Variants in GPC5 observed in about 807,000 individuals in gnomAD.
GPC5 encodes the protein glypican-5.
In GPC5, 47 loss-of-function variants were observed where a neutral mutation model predicts 53.9. That is an observed-to-expected ratio of 0.87 (90% confidence interval 0.69 to 1.11). The LOEUF (loss-of-function observed/expected upper bound fraction) is 1.11. Ranked by LOEUF, GPC5 falls within the 50% of genes most tolerant of loss-of-function variation. The pLI is 0.00. For synonymous variants in GPC5, 286 were observed against 263.3 expected (o/e 1.09, Z -0.84); for missense variants, 748 against 713.1 (o/e 1.05, Z -0.56).
At chr13:92,651,459 T>A (rs1384267149) in intron 7 of GPC5, among the ~76,000 whole-genome samples, 1 of 152,076 alleles carries the variant, frequency 6.6e-6, no homozygotes, top group East Asian at 1.9e-4. Flanking sequence ...TGAGGGGCAT[T>A]CTACAAAATA....
chr13:91,505,356 A>G (rs1285537749), intron 2 of GPC5, among the ~76,000 whole-genome samples: 2 of 152,208 alleles, frequency 1.3e-5, no homozygotes, highest in African/African-American at 4.8e-5. Flanking sequence ...TAATTGGATG[A>G]TTACTTGTTC....
At chr13:91,868,672 T>A (rs1303103634) in intron 5 of GPC5, among the ~76,000 whole-genome samples, 1 of 152,120 alleles carries the variant, frequency 6.6e-6, no homozygotes, top group Non-Finnish European at 1.5e-5. Flanking sequence ...GCCACTGCAC[T>A]CCAGCCTGGG....
At chr13:92,212,603 G>A (rs529942603) in intron 7 of GPC5, among the ~76,000 whole-genome samples, 1 of 152,206 alleles carries the variant, frequency 6.6e-6, no homozygotes, top group Admixed American at 6.5e-5. Context: ...GGAGATGTGG[G>A]GGACCCTAAG....
chr13:92,198,995 G>A (rs776602550), intron 7 of GPC5, among the ~76,000 whole-genome samples: 1 of 152,118 alleles, frequency 6.6e-6, no homozygotes, highest in African/African-American at 2.4e-5. Context: ...AAAGTGCTTA[G>A]CATTCAGAGG....
intron 7 of GPC5, among the ~76,000 whole-genome samples, chr13:92,378,401 A>G (rs1266579995): frequency 3.3e-5 from 5 of 152,340 alleles, no homozygotes; most frequent in African/African-American, 1.2e-4. Flanking sequence ...CTCTTCACAT[A>G]TCCTTAGCTT....
chr13:92,742,108 G>C (rs561556896), intron 7 of GPC5, among the ~76,000 whole-genome samples: 88 of 151,614 alleles, frequency 5.8e-4, no homozygotes, highest in African/African-American at 1.9e-3. Context: ...CCAGTAATGG[G>C]ATGGCTGGGT....
intron 7 of GPC5, among the ~76,000 whole-genome samples, chr13:92,313,004 A>T (rs1181725773): frequency 6.6e-6 from 1 of 152,142 alleles, no homozygotes; most frequent in African/African-American, 2.4e-5. Context: ...TTAATGTGTA[A>T]TTCACATATT....
chr13:91,461,006 G>T (rs1881895721), intron 2 of GPC5, among the ~76,000 whole-genome samples: 1 of 152,114 alleles, frequency 6.6e-6, no homozygotes, highest in South Asian at 2.1e-4. Flanking sequence ...ATGTGGTATA[G>T]ATGCTATAGC....
At chr13:91,596,166 G>A (rs931325941) in intron 2 of GPC5, among the ~76,000 whole-genome samples, 4 of 151,988 alleles carry the variant, frequency 2.6e-5, no homozygotes, top group African/African-American at 9.7e-5. Context: ...AGCCATTCTG[G>A]TTTAATGTAA....
intron 7 of GPC5, among the ~76,000 whole-genome samples, chr13:92,365,081 G>A (rs1818619412): frequency 6.6e-6 from 1 of 151,650 alleles, no homozygotes; most frequent in Non-Finnish European, 1.5e-5. Context: ...TAATGATGGG[G>A]CTACCTTCTG....
At chr13:91,777,583 G>A (rs1202615064) in intron 5 of GPC5, among the ~76,000 whole-genome samples, 1 of 152,106 alleles carries the variant, frequency 6.6e-6, no homozygotes, top group East Asian at 1.9e-4. Context: ...CCGTGAAGGC[G>A]CTGCAAAGTT....
At chr13:91,780,237 T>C (rs1017570245) in intron 5 of GPC5, among the ~76,000 whole-genome samples, 2 of 152,218 alleles carry the variant, frequency 1.3e-5, no homozygotes, top group Non-Finnish European at 1.5e-5. Flanking sequence ...TAATTCCTTA[T>C]ATATATCATT....
chr13:92,352,654 G>T (rs538864616), intron 7 of GPC5, among the ~76,000 whole-genome samples: 2 of 152,252 alleles, frequency 1.3e-5, no homozygotes, highest in South Asian at 4.1e-4. Context: ...GCCCTCTGAT[G>T]CCATTTTCCA....
At chr13:92,606,579 A>G (rs1230010932) in intron 7 of GPC5, among the ~76,000 whole-genome samples, 1 of 152,170 alleles carries the variant, frequency 6.6e-6, no homozygotes, top group African/African-American at 2.4e-5. Context: ...AAACTTGTAG[A>G]ATGAGGATGA....
rs189942479 is a variant in GPC5, at chr13:92,025,632, C to A, written c.1401+117575C>A. Among the ~76,000 whole-genome samples the A allele has an allele frequency of 6.0e-4, 92 of 152,270 alleles. 1 individual carries two copies. Among genetic ancestry groups the A allele is most frequent in the African/African-American group, 2.1e-3 (86 of 41,572 alleles). The stretch of plus-strand genomic sequence containing the variant: ...ATTGGCCCAACTGTGTCAGCACTTG[C>A]CAGTGCGTGTACAGAAAGAGGGATT... On this transcript the variant is annotated intron_variant, in intron 6 of 7. Transcript: ENST00000377067.
At chr13:92,282,951 T>G (rs1342451893) in intron 7 of GPC5, among the ~76,000 whole-genome samples, 2 of 152,152 alleles carry the variant, frequency 1.3e-5, no homozygotes, top group Non-Finnish European at 2.9e-5. Context: ...GACTGGCTAA[T>G]TGGATAAAAG....
chr13:92,366,371 T>C (rs2043607613), intron 7 of GPC5, among the ~76,000 whole-genome samples: 2 of 151,766 alleles, frequency 1.3e-5, no homozygotes, highest in African/African-American at 4.9e-5. Flanking sequence ...GATTTTCCAA[T>C]TTAAAAATAT....
intron 7 of GPC5, among the ~76,000 whole-genome samples, chr13:92,290,763 T>G (rs1195970794): frequency 2.0e-5 from 3 of 152,216 alleles, no homozygotes; most frequent in Admixed American, 1.3e-4. Context: ...CGGCGCCTCC[T>G]CTGTCTGGGC....
chr13:91,489,584 A>G (rs1484544989), intron 2 of GPC5, among the ~76,000 whole-genome samples: 1 of 152,236 alleles, frequency 6.6e-6, no homozygotes, highest in Non-Finnish European at 1.5e-5. Context: ...GTGAATGTTC[A>G]TAGAAACCAT....
Sources: allele counts gnomAD v4.1 joint callset (sites outside exome capture counted in the v4.1 genomes callset), GRCh38; gene constraint gnomAD v4.1.1; transcripts MANE v1.5; gene names NCBI Gene and HGNC (gene_info 2026-07-23, HGNC 2026-07-21).